LRBA: variants seen among roughly 807,000 people sequenced by gnomAD.
LRBA encodes the protein lipopolysaccharide-responsive and beige-like anchor protein.
LRBA carries 176 observed loss-of-function variants against 330.0 expected under a neutral mutation model. That is an observed-to-expected ratio of 0.53 (90% CI 0.47 to 0.60). The LOEUF (loss-of-function observed/expected upper bound fraction) is 0.60. Among genes scored for constraint, LRBA ranks in the 20% least tolerant of loss-of-function variants. The probability of loss-of-function intolerance (pLI) is 0.00; values close to 1 mark genes in which losing one functional copy is unlikely to be tolerated. For synonymous variants in LRBA, 1,230 were observed against 1,193.0 expected (o/e 1.03, Z -0.64); for missense variants, 3,259 against 3,444.8 (o/e 0.95, Z 1.35).
rs1395483535 is a variant in LRBA, at chr4:150,491,042, A to G, written c.6331-7T>C. 2.8e-6 allele frequency: 4 copies of G among 1,439,920 alleles called. No individual in the cohort carries two copies. Among genetic ancestry groups the G allele is most frequent in the Non-Finnish European group, 3.8e-6 (4 of 1,041,984 alleles). The allele number at this position is 1,439,920 out of a possible 1,614,324, so 89.2% of individuals were successfully genotyped here. A position where few individuals can be genotyped will look rare whatever the true frequency, so the allele number is the denominator to read the frequency against. On this transcript the variant is annotated splice_polypyrimidine_tract_variant and splice_region_variant and intron_variant, in intron 40 of 56. Coordinates refer to ENST00000651943, the MANE Select transcript of LRBA (RefSeq NM_001364905.1). ...CTTCTGTATATGCCAAGATCTAATGAGGAAAAAAATAATCCCAGGTAAGTA... is the reference window on the plus strand; with the variant it reads ...CTTCTGTATATGCCAAGATCTAATGGGGAAAAAAATAATCCCAGGTAAGTA...
chr4:150,666,066 G>A (rs1393970360), intron 37 of LRBA, among the ~76,000 whole-genome samples: 2 of 152,114 alleles, frequency 1.3e-5, no homozygotes, highest in East Asian at 3.8e-4. Context: ...GGGCAGGGAG[G>A]GTGGGAGAGA....
intron 8 of LRBA, 26 bp downstream of exon 8, chr4:150,915,582 C>T: frequency 6.3e-7 from 1 of 1,582,312 alleles, no homozygotes; most frequent in Non-Finnish European, 8.6e-7. Context: ...TCACTTTTTT[C>T]ATTGCAACAT....
Position 150,497,690 on chromosome 4 carries a change from A to C in LRBA, c.6331-6655T>G, listed in dbSNP as rs192783760. ...CAGTATGAAAAATTAAAAATATATA[A>C]ATAAAATGCTATGTGACCTTTGTAT... On this transcript the variant is annotated intron_variant, in intron 40 of 56. Transcript: ENST00000651943. 7.9e-5 allele frequency among the ~76,000 whole-genome samples: 12 copies of C among 152,286 alleles called. No individual in the cohort carries two copies. The East Asian group carries it at 2.3e-3, about 29-fold the overall frequency.
At chr4:150,708,503 A>G (rs1403189921) in intron 36 of LRBA, among the ~76,000 whole-genome samples, 3 of 151,882 alleles carry the variant, frequency 2.0e-5, no homozygotes, top group Non-Finnish European at 4.4e-5. Flanking sequence ...GACTTAATGA[A>G]TAATCCTTCT....
intron 52 of LRBA, among the ~76,000 whole-genome samples, chr4:150,304,544 G>A (rs1221558036): frequency 2.0e-5 from 3 of 152,084 alleles, no homozygotes; most frequent in African/African-American, 7.2e-5. Flanking sequence ...CAAAGCAAGT[G>A]TCTCTAGCTG....
chr4:150,620,439 G>A, intron 37 of LRBA, among the ~76,000 whole-genome samples: 1 of 152,108 alleles, frequency 6.6e-6, no homozygotes, highest in East Asian at 1.9e-4. Flanking sequence ...ATTCAATCAA[G>A]CAATCACACT....
chr4:150,822,839 G>C (rs552174381), intron 30 of LRBA, among the ~76,000 whole-genome samples: 42 of 152,304 alleles, frequency 2.8e-4, no homozygotes, highest in African/African-American at 1.0e-3. Flanking sequence ...GAGGCCAGGA[G>C]TTTGAGACCA....
At chr4:150,709,557 G>A (rs1277928838) in intron 36 of LRBA, among the ~76,000 whole-genome samples, 2 of 151,676 alleles carry the variant, frequency 1.3e-5, no homozygotes, top group East Asian at 3.9e-4. Flanking sequence ...TTTTAATCAG[G>A]TAAAAAAGAA....
At chr4:150,909,312 A>T (rs913443243) in intron 9 of LRBA, among the ~76,000 whole-genome samples, 1 of 152,114 alleles carries the variant, frequency 6.6e-6, no homozygotes, top group Non-Finnish European at 1.5e-5. Context: ...GACTATCACA[A>T]TTCTACTTTC....
chr4:150,332,651 T>C (rs1734135920), intron 48 of LRBA, among the ~76,000 whole-genome samples: 1 of 19,702 alleles, frequency 5.1e-5, no homozygotes, highest in Non-Finnish European at 1.4e-4. Context: ...AAATATTATA[T>C]TAAAACATTT....
intron 37 of LRBA, among the ~76,000 whole-genome samples, chr4:150,649,653 T>C (rs942322811): frequency 6.6e-6 from 1 of 152,174 alleles, no homozygotes; most frequent in African/African-American, 2.4e-5. Flanking sequence ...ATAAACATCC[T>C]GCCTCTCCAA....
intron 36 of LRBA, among the ~76,000 whole-genome samples, chr4:150,690,927 C>CTTTTT (rs70941427): frequency 9.4e-6 from 1 of 106,328 alleles, no homozygotes; most frequent in African/African-American, 3.2e-5. Flanking sequence ...AACACCTGGT[C>CTTTTT]TTTTTTTTTT....
chr4:151,012,126 G>A (rs1210407761), intron 2 of LRBA, among the ~76,000 whole-genome samples: 1 of 152,112 alleles, frequency 6.6e-6, no homozygotes, highest in Non-Finnish European at 1.5e-5. Flanking sequence ...TTGAAGAGGA[G>A]GGTAACTAAC....
chr4:150,543,734 T>C (rs1237758842), intron 40 of LRBA, among the ~76,000 whole-genome samples: 1 of 152,182 alleles, frequency 6.6e-6, no homozygotes, highest in East Asian at 1.9e-4. Context: ...ACCAATTTCT[T>C]ATTCAGTAAG....
chr4:150,846,529 C>CA (rs546817482), intron 26 of LRBA, among the ~76,000 whole-genome samples: 4,648 of 104,506 alleles, frequency 0.044, 203 homozygotes, highest in African/African-American at 0.14. Flanking sequence ...GCTCCATCTC[C>CA]AAAAAAAAAA....
intron 2 of LRBA, among the ~76,000 whole-genome samples, chr4:150,954,209 C>A (rs1579309002): frequency 2.0e-5 from 3 of 150,784 alleles, no homozygotes; most frequent in East Asian, 2.0e-4. Flanking sequence ...TCTGCCCGGC[C>A]ACCCCGTCTG....
intron 40 of LRBA, among the ~76,000 whole-genome samples, chr4:150,547,889 A>C (rs1561332917): frequency 6.6e-6 from 1 of 152,182 alleles, no homozygotes; most frequent in Non-Finnish European, 1.5e-5. Context: ...TACTTTAAGG[A>C]AAATAATGCA....
At chr4:150,578,958 C>CT (rs1169775523) in intron 40 of LRBA, 30 of 279,866 alleles carry the variant, frequency 1.1e-4, no homozygotes, top group Non-Finnish European at 7.0e-6. Context: ...ATAAAATGTC[C>CT]TGCAGCCTCC....
chr4:150,809,072 A>C (rs716473), intron 31 of LRBA, among the ~76,000 whole-genome samples: 26,048 of 152,150 alleles, frequency 0.17, 2,898 homozygotes, highest in Non-Finnish European at 0.24. Flanking sequence ...TGGCCCAGAG[A>C]AAGTTATTGG....
Sources: allele counts gnomAD v4.1 joint callset (sites outside exome capture counted in the v4.1 genomes callset), GRCh38; gene constraint gnomAD v4.1.1; transcripts MANE v1.5; gene names NCBI Gene and HGNC (gene_info 2026-07-23, HGNC 2026-07-21).